Variants in OTUD7A observed in about 807,000 individuals in gnomAD.
OTUD7A encodes OTU deubiquitinase 7A, also known as OTU domain-containing protein 7A.
Under a neutral mutation model 65.7 loss-of-function variants are expected in OTUD7A, and 12 were observed. That is an observed-to-expected ratio of 0.18 (90% confidence interval 0.12 to 0.30). OTUD7A has a LOEUF of 0.30. Ranked by LOEUF, OTUD7A falls within the 10% of genes least tolerant of loss-of-function variation. The pLI is 1.00. For synonymous variants in OTUD7A, 641 were observed against 586.3 expected, an observed-to-expected ratio of 1.09 and a Z score of -1.35; for missense variants, 1,148 against 1,304.8, an observed-to-expected ratio of 0.88 and a Z score of 1.85.
intron 5 of OTUD7A, among the ~76,000 whole-genome samples, chr15:31,553,172 A>G (rs1489375943): frequency 1.3e-5 from 2 of 151,922 alleles, no homozygotes; most frequent in Non-Finnish European, 2.9e-5. Context: ...TTCTTGAAAC[A>G]CCTTCCACCC....
At chr15:31,662,989 C>A (rs1249034166) in intron 1 of OTUD7A, among the ~76,000 whole-genome samples, 2 of 151,590 alleles carry the variant, frequency 1.3e-5, no homozygotes, top group Admixed American at 6.6e-5. Context: ...CAATTTATAG[C>A]AAATTTTCAG....
intron 3 of OTUD7A, among the ~76,000 whole-genome samples, chr15:31,637,251 A>G (rs1379628235): frequency 6.6e-6 from 1 of 152,232 alleles, no homozygotes; most frequent in Non-Finnish European, 1.5e-5. Context: ...TATCATTCTG[A>G]AAGTTCTAGT....
intron 1 of OTUD7A, among the ~76,000 whole-genome samples, chr15:31,723,924 C>T (rs1257305938): frequency 3.0e-4 from 32 of 105,640 alleles, no homozygotes; most frequent in African/African-American, 1.2e-3. Context: ...TCCCCACACC[C>T]TCGCCAAGAC....
At chr15:31,756,601 G>A (rs1267472205) in intron 1 of OTUD7A, among the ~76,000 whole-genome samples, 4 of 148,680 alleles carry the variant, frequency 2.7e-5, no homozygotes, top group Non-Finnish European at 5.9e-5. Flanking sequence ...TCTGAGGACA[G>A]GAATGCATAA....
chr15:31,483,578 C>A lies in OTUD7A; in HGVS notation c.2518G>T (p.Ala840Ser), dbSNP rs753289213. 8 of 1,248,596 alleles carry A rather than the reference C, an allele frequency of 6.4e-6. No homozygotes were observed. In the Admixed American group the frequency reaches 1.7e-4, roughly 27 times the overall value. 77.3% of individuals were successfully genotyped at this position (1,248,596 alleles called of 1,614,324 possible). A position where few individuals can be genotyped will look rare whatever the true frequency, so the allele number is the denominator to read the frequency against. Reference sequence around the variant, plus strand: ...GCCGTCCCCGCCGCGCCCGGTAGGGCCCCGGGCACCGCGCGCGCCAGCGAC... The same window carrying A: ...GCCGTCCCCGCCGCGCCCGGTAGGGACCCGGGCACCGCGCGCGCCAGCGAC... Reference protein sequence around the residue: ...VESLARAVPGALPGAAGTAGA... With the variant: ...VESLARAVPGSLPGAAGTAGA... The change falls in exon 13 of 13, where the codon GCC becomes TCC. Residue 840 changes from alanine to serine, a missense_variant. Ala to Ser is a moderately conservative substitution (Grantham distance 99). Coordinates refer to ENST00000307050, the MANE Select transcript of OTUD7A (RefSeq NM_001382637.1).
intron 1 of OTUD7A, among the ~76,000 whole-genome samples, chr15:31,795,835 C>T (rs796487686): frequency 6.6e-6 from 1 of 152,138 alleles, no homozygotes; most frequent in East Asian, 1.9e-4. Flanking sequence ...GAGGAACAGG[C>T]CCATATGTAT....
chr15:31,670,242 C>T (rs1408796987), intron 1 of OTUD7A, among the ~76,000 whole-genome samples: 1 of 151,840 alleles, frequency 6.6e-6, no homozygotes, highest in Non-Finnish European at 1.5e-5. Context: ...GAAATGAACA[C>T]ACACATGCAT....
At chr15:31,767,752 T>C (rs1293555616) in intron 1 of OTUD7A, 7 of 708,764 alleles carry the variant, frequency 9.9e-6, no homozygotes, top group Admixed American at 4.5e-5. Flanking sequence ...GAGATAAATG[T>C]AATCCATGCT....
chr15:31,842,787 A>T (rs1180833474), intron 1 of OTUD7A, among the ~76,000 whole-genome samples: 2 of 152,156 alleles, frequency 1.3e-5, no homozygotes, highest in Non-Finnish European at 2.9e-5. Context: ...CATGTCTCTC[A>T]TGACTTAAGC....
intron 3 of OTUD7A, among the ~76,000 whole-genome samples, chr15:31,588,008 A>C (rs567743205): frequency 3.2e-4 from 49 of 151,996 alleles, no homozygotes; most frequent in Non-Finnish European, 6.3e-4. Context: ...GCATCCAGCA[A>C]TCCCACTTGT....
At position 31,619,329 on chromosome 15, in the gene OTUD7A, G is replaced by C. The variant is rs563662559; in HGVS notation, c.151+35767C>G. 2.1e-3 allele frequency among the ~76,000 whole-genome samples: 323 copies of C among 152,292 alleles called. 3 individuals are homozygous for C. The highest frequency in any genetic ancestry group is 7.4e-3 in the African/African-American group (308 of 41,564). On this transcript the variant is annotated intron_variant, in intron 3 of 12. Coordinates refer to ENST00000307050, the MANE Select transcript of OTUD7A (RefSeq NM_001382637.1). ...CTGTGAAGAAAGTCACTGGTAGCTT[G>C]ATGGGGATGGCATTGAATCTATAAA...
chr15:31,676,308 T>C (rs1239666735), intron 1 of OTUD7A, among the ~76,000 whole-genome samples: 2 of 151,988 alleles, frequency 1.3e-5, no homozygotes, highest in East Asian at 3.9e-4. Flanking sequence ...TGCTCATGGC[T>C]ACAATGTGCT....
chr15:31,625,053 A>C lies in OTUD7A; in HGVS notation c.151+30043T>G, dbSNP rs146134462. Among the ~76,000 whole-genome samples the C allele has an allele frequency of 2.5e-4, 38 of 152,304 alleles. No homozygotes were observed. In the East Asian group the frequency reaches 4.4e-3, roughly 18 times the overall value. On this transcript the variant is annotated intron_variant, in intron 3 of 12. Transcript: ENST00000307050. Reference sequence around the variant, plus strand: ...GGCTTCCACCATAAGCTGTCGCTTTATCTCTCCCTCATCACTCACTCTGAG... The same window carrying C: ...GGCTTCCACCATAAGCTGTCGCTTTCTCTCTCCCTCATCACTCACTCTGAG...
At chr15:31,751,826 A>G (rs1894644222) in intron 1 of OTUD7A, among the ~76,000 whole-genome samples, 1 of 152,218 alleles carries the variant, frequency 6.6e-6, no homozygotes, top group African/African-American at 2.4e-5. Flanking sequence ...CAAATATTGT[A>G]TGTGAGAGCT....
intron 1 of OTUD7A, among the ~76,000 whole-genome samples, chr15:31,717,688 C>T (rs188840182): frequency 6.6e-6 from 1 of 152,214 alleles, no homozygotes; most frequent in East Asian, 1.9e-4. Flanking sequence ...GTGAACAGTG[C>T]TGCAATAAAC....
At chr15:31,722,831 A>G (rs376273490) in intron 1 of OTUD7A, among the ~76,000 whole-genome samples, 21 of 152,380 alleles carry the variant, frequency 1.4e-4, no homozygotes, top group African/African-American at 3.8e-4. Context: ...CAGAGACAGC[A>G]ATACACACAG....
At chr15:31,526,985 T>C (rs2042023751) in intron 7 of OTUD7A, among the ~76,000 whole-genome samples, 196 bp downstream of exon 7, 1 of 152,194 alleles carries the variant, frequency 6.6e-6, no homozygotes, top group South Asian at 2.1e-4. Context: ...AGTTGCTGTC[T>C]GCCGGGACTC....
intron 1 of OTUD7A, among the ~76,000 whole-genome samples, chr15:31,845,010 G>T (rs1227546904): frequency 1.3e-5 from 2 of 152,288 alleles, no homozygotes; most frequent in South Asian, 4.1e-4. Context: ...AGCAAACAGA[G>T]AGCCTCCTGT....
intron 8 of OTUD7A, among the ~76,000 whole-genome samples, chr15:31,508,793 G>A (rs1203716381): frequency 1.3e-5 from 2 of 152,256 alleles, no homozygotes; most frequent in Non-Finnish European, 2.9e-5. Flanking sequence ...GGGGCTTGAG[G>A]CCCCATGGTG....
Sources: gnomAD v4.1 joint callset for allele counts (sites outside exome capture counted in the v4.1 genomes callset) on GRCh38, gnomAD v4.1.1 for gene constraint, MANE v1.5 for transcripts, NCBI Gene and HGNC (gene_info 2026-07-23, HGNC 2026-07-21) for gene names.